Variants in LYRM1 observed in about 807,000 individuals in gnomAD.
The protein encoded by LYRM1 is LYR motif containing 1, also known as LYR motif-containing protein 1.
A neutral mutation model predicts 14.9 loss-of-function variants in LYRM1; 14 were observed. The ratio of observed to expected loss-of-function variants is 0.94; its 90% CI spans 0.62 to 1.47. LYRM1 has a LOEUF of 1.47. Among genes scored for constraint, LYRM1 ranks in the 40% most tolerant of loss-of-function variants. The pLI is 0.00. For synonymous variants in LYRM1, 43 were observed against 56.2 expected, an observed-to-expected ratio of 0.77 and a Z score of 1.05; for missense variants, 153 against 149.9, an observed-to-expected ratio of 1.02 and a Z score of -0.11.
chr16:20,924,132 A>G lies in LYRM1; in HGVS notation c.*16A>G. Reference sequence around the variant, plus strand: ...AGTTTCCTAATCTAGAGGAAAGTTTATTTCTGCAAATGATGAGCCAACTAG... The same window carrying G: ...AGTTTCCTAATCTAGAGGAAAGTTTGTTTCTGCAAATGATGAGCCAACTAG... On this transcript the variant is annotated 3_prime_UTR_variant, in exon 4 of 4. Transcript: ENST00000567954. The G allele has an allele frequency of 7.2e-7, 1 of 1,396,494 alleles. No homozygotes were observed. The highest frequency in any genetic ancestry group is 1.0e-6 in the Non-Finnish European group (1 of 992,152). The allele number at this position is 1,396,494 out of a possible 1,614,324, so 86.5% of individuals were successfully genotyped here.
Position 20,924,335 on chromosome 16 carries a change from C to T in LYRM1, c.*219C>T, listed in dbSNP as rs1443591336. ...TTATCCCTAGAGGTCATGGACCTTA[C>T]ATCCTCACTGCAGTCACCTTTGGAA... On this transcript the variant is annotated 3_prime_UTR_variant, in exon 4 of 4. Coordinates refer to ENST00000567954, the MANE Select transcript of LYRM1 (RefSeq NM_001128302.3). 2 of 442,642 alleles carry T rather than the reference C, an allele frequency of 4.5e-6. No homozygotes were observed. The highest frequency in any genetic ancestry group is 2.0e-5 in the African/African-American group (1 of 50,198). The allele number at this position is 442,642 out of a possible 1,614,324, so 27.4% of individuals were successfully genotyped here. A position where few individuals can be genotyped will look rare whatever the true frequency, so the allele number is the denominator to read the frequency against.
Position 20,924,943 on chromosome 16 carries a change from A to T in LYRM1, c.*827A>T, listed in dbSNP as rs1354967840. On this transcript the variant is annotated 3_prime_UTR_variant, in exon 4 of 4. Transcript: ENST00000567954. ...TCCCTTGGTGAGTCATTTGTACATC[A>T]GTGTCATTTCTTCTTAACCTCTGAA... The T allele has an allele frequency of 6.6e-6, 1 of 152,232 alleles. No homozygotes were observed. The highest frequency in any genetic ancestry group is 1.5e-5 in the Non-Finnish European group (1 of 68,040). 9.4% of individuals were successfully genotyped at this position (152,232 alleles called of 1,614,324 possible).
chr16:20,906,276 G>A (rs566023237), intron 1 of LYRM1, among the ~76,000 whole-genome samples: 239 of 152,348 alleles, frequency 1.6e-3, no homozygotes, highest in Non-Finnish European at 2.7e-3. Context: ...AAAGGTGGAA[G>A]CAGCAAATAG....
chr16:20,915,459 C>CAA (rs566437893), intron 1 of LYRM1, 97 bp from the exon 2 acceptor site: 57,595 of 767,874 alleles, frequency 0.075, 2 homozygotes, highest in South Asian at 0.085. Context: ...GACTCCGTCT[C>CAA]AAAAAAAAAA....
intron 2 of LYRM1, among the ~76,000 whole-genome samples, chr16:20,919,384 T>C (rs147133069): frequency 5.6e-4 from 85 of 152,290 alleles, no homozygotes; most frequent in Non-Finnish European, 9.0e-4. Flanking sequence ...ATATAATTTA[T>C]AGATTGTTGG....
At chr16:20,908,244 G>A (rs552486476) in intron 1 of LYRM1, among the ~76,000 whole-genome samples, 2 of 152,350 alleles carry the variant, frequency 1.3e-5, no homozygotes, top group East Asian at 3.9e-4. Flanking sequence ...AGGAGCAGGG[G>A]CAGGTGGCAA....
intron 1 of LYRM1, among the ~76,000 whole-genome samples, chr16:20,912,331 G>A (rs548340476): frequency 2.0e-4 from 31 of 151,638 alleles, no homozygotes; most frequent in South Asian, 1.0e-3. Flanking sequence ...GTGCAGTGGC[G>A]CAATCTCGGC....
chr16:20,924,315 C>G lies in LYRM1; in HGVS notation c.*199C>G, dbSNP rs957113925. The G allele has an allele frequency of 3.9e-6, 2 of 513,756 alleles. No homozygotes were observed. Among genetic ancestry groups the G allele is most frequent in the African/African-American group, 3.9e-5 (2 of 51,752 alleles). 31.8% of individuals were successfully genotyped at this position (513,756 alleles called of 1,614,324 possible). On this transcript the variant is annotated 3_prime_UTR_variant, in exon 4 of 4. Transcript: ENST00000567954. ...TTCTTCCTGAGTGGATGGCATTATC[C>G]CTAGAGGTCATGGACCTTACATCCT...
At chr16:20,916,814 A>G (rs1436792693) in intron 2 of LYRM1, among the ~76,000 whole-genome samples, 1 of 152,182 alleles carries the variant, frequency 6.6e-6, no homozygotes, top group Non-Finnish European at 1.5e-5. Context: ...ATTGCCCACT[A>G]TGTGCCAAAC....
chr16:20,902,975 A>G (rs1460619406), intron 1 of LYRM1, among the ~76,000 whole-genome samples: 1 of 152,134 alleles, frequency 6.6e-6, no homozygotes, highest in Non-Finnish European at 1.5e-5. Context: ...GTTCCACAAT[A>G]TAGTGTAAAG....
chr16:20,923,829 A>G (rs981727646), intron 3 of LYRM1, among the ~76,000 whole-genome samples, 171 bp from the exon 4 acceptor site: 1 of 152,200 alleles, frequency 6.6e-6, no homozygotes, highest in Non-Finnish European at 1.5e-5. Context: ...TAAATATTAG[A>G]ATAATAATCC....
In LYRM1 at chr16:20,913,705, T is replaced by C. The variant is rs139454144; in HGVS notation, c.1-1851T>C. 3.9e-3 allele frequency among the ~76,000 whole-genome samples: 592 copies of C among 152,344 alleles called. 8 individuals carry two copies. The highest frequency in any genetic ancestry group is 0.014 in the African/African-American group (565 of 41,572). ...AAAATACAATTAGCTTTACAGAATA[T>C]ACCTACGTCCGTTCTCTCTTGGCCA... On this transcript the variant is annotated intron_variant, in intron 1 of 3. Transcript: ENST00000567954.
intron 1 of LYRM1, among the ~76,000 whole-genome samples, chr16:20,907,986 C>T (rs150959324): frequency 1.3e-5 from 2 of 152,284 alleles, no homozygotes; most frequent in African/African-American, 4.8e-5. Flanking sequence ...GTGTCTGGCA[C>T]ATGGTGGACC....
chr16:20,916,515 G>A (rs972096255), intron 2 of LYRM1, among the ~76,000 whole-genome samples: 5 of 152,068 alleles, frequency 3.3e-5, no homozygotes, highest in African/African-American at 1.2e-4. Flanking sequence ...TCTCTCTTCA[G>A]CCGTGTCATC....
At chr16:20,913,558 T>C (rs2082711493) in intron 1 of LYRM1, among the ~76,000 whole-genome samples, 2 of 152,090 alleles carry the variant, frequency 1.3e-5, no homozygotes, top group Admixed American at 6.5e-5. Flanking sequence ...GTGATCCACC[T>C]GCCTCGGCCT....
At chr16:20,906,898 G>C (rs916709080) in intron 1 of LYRM1, among the ~76,000 whole-genome samples, 2 of 152,160 alleles carry the variant, frequency 1.3e-5, no homozygotes, top group African/African-American at 4.8e-5. Flanking sequence ...AACCTCCCCA[G>C]ACCCTCTCAC....
rs1159903964 is a variant in LYRM1 at position 20,920,215 on chromosome 16, G to A, written c.252+1G>A. On this transcript the variant is annotated splice_donor_variant, in intron 3 of 3. Coordinates refer to ENST00000567954, the MANE Select transcript of LYRM1 (RefSeq NM_001128302.3). LOFTEE classifies it high-confidence loss of function. ...TTACAAGATTCCTTACCCAAGGCCA[G>A]TAAGTGTGACTCCGGTTAACAAGTG... 8.7e-6 allele frequency: 14 copies of A among 1,609,326 alleles called. No homozygotes were observed. Among genetic ancestry groups the A allele is most frequent in the Non-Finnish European group, 1.2e-5 (14 of 1,175,598 alleles).
rs74247284 is a variant in LYRM1, at chr16:20,924,491, C to T, written c.*375C>T. On this transcript the variant is annotated 3_prime_UTR_variant, in exon 4 of 4. Transcript: ENST00000567954. ...GGAAGTTACTGTGGCTACTATAAAACTATGTACCACTCTCAGAATATTCTT... is the reference window on the plus strand; with the variant it reads ...GGAAGTTACTGTGGCTACTATAAAATTATGTACCACTCTCAGAATATTCTT... 1.3e-3 allele frequency: 212 copies of T among 157,382 alleles called. 2 individuals carry two copies. The East Asian group carries it at 0.035, about 26-fold the overall frequency. The allele number at this position is 157,382 out of a possible 1,614,324, so 9.7% of individuals were successfully genotyped here.
chr16:20,920,166 A>G lies in LYRM1; in HGVS notation c.204A>G (p.Thr68=), dbSNP rs751809317. ...DLIKQCIDEC[T]ARIEIGLHYK... is the part of the protein sequence containing the mutation. ...TTAAACAGTGTATAGATGAATGCAC[A>G]GCCAGGATTGAAATTGGACTGCATT... Residue 68 remains threonine (T), a synonymous_variant, in exon 3 of 4, where the codon ACA becomes ACG. Coordinates refer to ENST00000567954, the MANE Select transcript of LYRM1 (RefSeq NM_001128302.3). 8 of 1,614,194 alleles carry G rather than the reference A, an allele frequency of 5.0e-6. No individual in the cohort carries two copies. In the South Asian group the frequency reaches 8.8e-5, roughly 18 times the overall value.
Sources: allele counts gnomAD v4.1 joint callset (sites outside exome capture counted in the v4.1 genomes callset), GRCh38; gene constraint gnomAD v4.1.1; transcripts MANE v1.5; gene names NCBI Gene and HGNC (gene_info 2026-07-23, HGNC 2026-07-21).